The following TMOD1 variants were observed in gnomAD, a reference collection of about 807,000 sequenced individuals.
TMOD1 encodes the protein tropomodulin 1.
A neutral mutation model predicts 40.6 loss-of-function variants in TMOD1; 17 were observed. That is an observed-to-expected ratio of 0.42 (90% CI 0.29 to 0.63). TMOD1 has a LOEUF of 0.63. Ranked by LOEUF, TMOD1 falls within the 20% of genes least tolerant of loss-of-function variation. The probability of loss-of-function intolerance (pLI) is 0.22; values close to 1 mark genes in which losing one functional copy is unlikely to be tolerated. For synonymous variants in TMOD1, 181 were observed against 175.0 expected, an observed-to-expected ratio of 1.03 and a Z score of -0.27; for missense variants, 391 against 447.6, an observed-to-expected ratio of 0.87 and a Z score of 1.14.
At chr9:97,511,507 C>T (rs1436249057) in intron 1 of TMOD1, among the ~76,000 whole-genome samples, 4 of 152,234 alleles carry the variant, frequency 2.6e-5, no homozygotes, top group African/African-American at 9.6e-5. Context: ...TCTGCCATCG[C>T]TGCTCACAGC....
At chr9:97,535,580 C>G (rs532709065) in intron 2 of TMOD1, among the ~76,000 whole-genome samples, 1 of 152,168 alleles carries the variant, frequency 6.6e-6, no homozygotes, top group Non-Finnish European at 1.5e-5. Context: ...GGGCTGGGAT[C>G]GTACCGTCAT....
chr9:97,543,627 C>T (rs182224004), intron 2 of TMOD1, among the ~76,000 whole-genome samples: 91 of 152,350 alleles, frequency 6.0e-4, no homozygotes, highest in Middle Eastern at 3.4e-3. Context: ...TACTCCAAGT[C>T]AGGGCTTAAG....
At chr9:97,560,861 T>A (rs1260915903) in intron 4 of TMOD1, among the ~76,000 whole-genome samples, 2 of 151,248 alleles carry the variant, frequency 1.3e-5, no homozygotes, top group Non-Finnish European at 2.9e-5. Flanking sequence ...AGACTCCATC[T>A]CAAAAAAAAA....
intron 3 of TMOD1, among the ~76,000 whole-genome samples, chr9:97,550,694 C>A (rs552866534): frequency 2.0e-5 from 3 of 152,166 alleles, no homozygotes; most frequent in South Asian, 4.1e-4. Context: ...TTATTCAAGT[C>A]TTTTACCCAT....
At chr9:97,515,584 T>C (rs1829792628) in intron 1 of TMOD1, among the ~76,000 whole-genome samples, 1 of 152,194 alleles carries the variant, frequency 6.6e-6, no homozygotes, top group South Asian at 2.1e-4. Flanking sequence ...TCAGCCTATT[T>C]TGGTACCTTT....
At chr9:97,534,741 G>A (rs1415734922) in intron 2 of TMOD1, among the ~76,000 whole-genome samples, 1 of 152,204 alleles carries the variant, frequency 6.6e-6, no homozygotes, top group Non-Finnish European at 1.5e-5. Context: ...GTATCCTTAG[G>A]GAGAGAGATA....
chr9:97,581,969 T>C (rs1825766181), intron 8 of TMOD1, among the ~76,000 whole-genome samples: 4 of 149,728 alleles, frequency 2.7e-5, no homozygotes, highest in East Asian at 4.0e-4. Flanking sequence ...TGATGGTAGT[T>C]TCTTTTGCTG....
intron 4 of TMOD1, chr9:97,555,456 T>A: frequency 2.1e-6 from 3 of 1,423,756 alleles, no homozygotes; most frequent in Admixed American, 2.9e-5. Context: ...GAGCTGCAAC[T>A]CTGTGCTACG....
At chr9:97,595,689 C>T (rs952441030) in intron 9 of TMOD1, among the ~76,000 whole-genome samples, 2 of 152,074 alleles carry the variant, frequency 1.3e-5, no homozygotes, top group African/African-American at 2.4e-5. Flanking sequence ...AGTGAAACAT[C>T]TTTTCAACTG....
intron 9 of TMOD1, among the ~76,000 whole-genome samples, chr9:97,599,409 A>G (rs1826199081): frequency 1.3e-5 from 2 of 152,192 alleles, no homozygotes; most frequent in Non-Finnish European, 2.9e-5. Flanking sequence ...GCCACTTAGC[A>G]GATATCTATG....
chr9:97,582,076 C>T (rs1825769560), intron 8 of TMOD1, among the ~76,000 whole-genome samples: 1 of 152,172 alleles, frequency 6.6e-6, no homozygotes, highest in Non-Finnish European at 1.5e-5. Context: ...TTGCCCATGC[C>T]TATGTCCTGA....
intron 8 of TMOD1, among the ~76,000 whole-genome samples, chr9:97,571,679 C>T (rs1048556709): frequency 2.0e-5 from 3 of 152,238 alleles, no homozygotes; most frequent in African/African-American, 7.2e-5. Context: ...GCAACCTGCC[C>T]AAGGCCACAC....
chr9:97,509,986 G>T (rs1198582054), intron 1 of TMOD1, among the ~76,000 whole-genome samples: 1 of 151,826 alleles, frequency 6.6e-6, no homozygotes, highest in Non-Finnish European at 1.5e-5. Flanking sequence ...TTTATTGGAG[G>T]AACTCTTTGT....
chr9:97,568,376 C>T (rs879485548), intron 7 of TMOD1, among the ~76,000 whole-genome samples: 9 of 152,166 alleles, frequency 5.9e-5, no homozygotes, highest in Non-Finnish European at 8.8e-5. Context: ...CAGAGGAATC[C>T]AAGGTCCACA....
chr9:97,588,870 C>T lies in TMOD1; in HGVS notation c.871-2421C>T, dbSNP rs376636776. 5.9e-4 allele frequency among the ~76,000 whole-genome samples: 90 copies of T among 152,032 alleles called. No homozygotes were observed. The South Asian group carries it at 8.3e-3, about 14-fold the overall frequency. ...GCGCAGTGGCTCACGCCTATGATCC[C>T]AGAACTTTGGCCAAGGCAGGTGGAT... On this transcript the variant is annotated intron_variant, in intron 8 of 9. Coordinates refer to ENST00000259365, the MANE Select transcript of TMOD1 (RefSeq NM_003275.4).
intron 3 of TMOD1, among the ~76,000 whole-genome samples, chr9:97,548,684 TC>T (rs1830403789): frequency 6.6e-6 from 1 of 152,056 alleles, no homozygotes; most frequent in Non-Finnish European, 1.5e-5. Context: ...TGGGGAAAGC[TC>T]TCTAGCCTCC....
intron 8 of TMOD1, among the ~76,000 whole-genome samples, chr9:97,590,593 A>T (rs1162242636): frequency 6.6e-6 from 1 of 150,766 alleles, no homozygotes; most frequent in East Asian, 1.9e-4. Flanking sequence ...TCCTCATCAT[A>T]TTCTTCCCAA....
At chr9:97,552,516 C>T (rs1248809554) in intron 3 of TMOD1, among the ~76,000 whole-genome samples, 1 of 152,194 alleles carries the variant, frequency 6.6e-6, no homozygotes, top group Non-Finnish European at 1.5e-5. Context: ...TGTCCCCTAG[C>T]CCCCAGAAAG....
chr9:97,581,410 T>A lies in TMOD1; in HGVS notation c.871-9881T>A, dbSNP rs1307505860. 5.3e-5 allele frequency among the ~76,000 whole-genome samples: 8 copies of A among 152,016 alleles called. No homozygotes were observed. The East Asian group carries it at 1.5e-3, about 29-fold the overall frequency. On this transcript the variant is annotated intron_variant, in intron 8 of 9. Transcript: ENST00000259365. Reference sequence around the variant, plus strand: ...AGTCTGTCATAGATGGACATTCGGGTTGGTTCCAAGTCTTTGCGATTGTGA... The same window carrying A: ...AGTCTGTCATAGATGGACATTCGGGATGGTTCCAAGTCTTTGCGATTGTGA...
Sources: gnomAD v4.1 joint callset for allele counts (sites outside exome capture counted in the v4.1 genomes callset) on GRCh38, gnomAD v4.1.1 for gene constraint, MANE v1.5 for transcripts, NCBI Gene and HGNC (gene_info 2026-07-23, HGNC 2026-07-21) for gene names.